Variants in ARID5B observed in about 807,000 individuals in gnomAD.
ARID5B encodes AT-rich interactive domain-containing protein 5B.
In ARID5B, 13 loss-of-function variants were observed where a neutral mutation model predicts 97.2. The observed-to-expected ratio is 0.13, with a 90% CI of 0.09 to 0.21. ARID5B has a LOEUF of 0.21. Ranked by LOEUF, ARID5B falls within the 10% of genes least tolerant of loss-of-function variation. The probability of loss-of-function intolerance (pLI) is 1.00; values close to 1 mark genes in which losing one functional copy is unlikely to be tolerated. For missense variants in ARID5B, 1,210 were observed against 1,465.3 expected, an observed-to-expected ratio of 0.83 and a Z score of 2.84; for synonymous variants, 556 against 570.3, an observed-to-expected ratio of 0.97 and a Z score of 0.36.
rs1467387088 is a variant in ARID5B, at chr10:62,092,659, T to A, written c.3196T>A (p.Ser1066Thr). 2.5e-6 allele frequency: 4 copies of A among 1,613,854 alleles called. No individual in the cohort carries two copies. The highest frequency in any genetic ancestry group is 3.4e-6 in the Non-Finnish European group (4 of 1,179,940). Residue 1066 changes from serine (S) to threonine (T), a missense_variant, in exon 10 of 10, where the codon TCA becomes ACA. Physicochemically the swap from Ser to Thr is moderately conservative, Grantham distance 58. Coordinates refer to ENST00000279873, the MANE Select transcript of ARID5B (RefSeq NM_032199.3). ...AAHGGHSGGG[S>T]EGHKLPLSSP... ...GCACGGTGGGCATTCCGGGGGCGGATCAGAAGGCCACAAGCTTCCCCTCTC... is the reference window on the plus strand; with the variant it reads ...GCACGGTGGGCATTCCGGGGGCGGAACAGAAGGCCACAAGCTTCCCCTCTC...
At chr10:61,980,093 C>CAA (rs372578954) in intron 3 of ARID5B, among the ~76,000 whole-genome samples, 15 of 144,394 alleles carry the variant, frequency 1.0e-4, no homozygotes, top group African/African-American at 3.5e-4. Flanking sequence ...GACTCTGTCT[C>CAA]AAAAAAATAA....
chr10:62,026,676 C>G (rs1285863679), intron 4 of ARID5B, among the ~76,000 whole-genome samples: 2 of 152,186 alleles, frequency 1.3e-5, no homozygotes, highest in African/African-American at 4.8e-5. Context: ...TCCCTTCTGC[C>G]TTGTGGGATC....
intron 3 of ARID5B, among the ~76,000 whole-genome samples, chr10:61,971,054 A>G (rs536427564): frequency 6.6e-6 from 1 of 152,228 alleles, no homozygotes; most frequent in African/African-American, 2.4e-5. Flanking sequence ...AGAGTAAAAT[A>G]GAGACCCTGA....
At chr10:61,995,008 T>C (rs1838977112) in intron 3 of ARID5B, among the ~76,000 whole-genome samples, 1 of 152,186 alleles carries the variant, frequency 6.6e-6, no homozygotes, top group Non-Finnish European at 1.5e-5. Flanking sequence ...TAATTATGGT[T>C]TAAAATTTCA....
chr10:61,943,266 A>G (rs1216162020), intron 3 of ARID5B, among the ~76,000 whole-genome samples: 1 of 152,170 alleles, frequency 6.6e-6, no homozygotes, highest in East Asian at 1.9e-4. Context: ...CCTCTTCTAT[A>G]ACATCAAAAT....
intron 2 of ARID5B, among the ~76,000 whole-genome samples, chr10:61,924,825 A>G (rs1844074223): frequency 6.6e-6 from 1 of 152,142 alleles, no homozygotes; most frequent in African/African-American, 2.4e-5. Flanking sequence ...AACAGGGGCC[A>G]AGGGTTTTCT....
At chr10:61,979,721 A>G (rs892664264) in intron 3 of ARID5B, among the ~76,000 whole-genome samples, 3 of 152,226 alleles carry the variant, frequency 2.0e-5, no homozygotes, top group Non-Finnish European at 4.4e-5. Context: ...TAGGGCCCAT[A>G]GTACTTTTAA....
At chr10:62,036,383 T>G (rs983652294) in intron 4 of ARID5B, among the ~76,000 whole-genome samples, 1 of 78,956 alleles carries the variant, frequency 1.3e-5, no homozygotes, top group East Asian at 4.0e-4. Context: ...GCTCCTTTGT[T>G]TTTTCAGCCC....
chr10:62,021,991 T>G (rs1248340834), intron 4 of ARID5B, among the ~76,000 whole-genome samples: 1 of 152,270 alleles, frequency 6.6e-6, no homozygotes, highest in African/African-American at 2.4e-5. Flanking sequence ...GAATATCACA[T>G]AACTGTTTTT....
At chr10:62,032,855 A>G (rs973878036) in intron 4 of ARID5B, among the ~76,000 whole-genome samples, 17 of 152,172 alleles carry the variant, frequency 1.1e-4, no homozygotes, top group Non-Finnish European at 8.8e-5. Context: ...TTTTCTCCTA[A>G]GTGACCTACC....
intron 2 of ARID5B, among the ~76,000 whole-genome samples, chr10:61,932,148 C>T (rs1342855823): frequency 2.0e-5 from 3 of 152,028 alleles, no homozygotes; most frequent in Admixed American, 2.0e-4. Context: ...GGTTTCCTAG[C>T]GCGTATAAAA....
At chr10:62,053,234 G>A (rs1337902198) in intron 5 of ARID5B, among the ~76,000 whole-genome samples, 1 of 152,196 alleles carries the variant, frequency 6.6e-6, no homozygotes, top group Non-Finnish European at 1.5e-5. Flanking sequence ...AGACCCATGT[G>A]ACTGTTTCTT....
chr10:62,079,510 A>AT (rs1840181795), intron 8 of ARID5B, among the ~76,000 whole-genome samples: 1 of 152,180 alleles, frequency 6.6e-6, no homozygotes, highest in Non-Finnish European at 1.5e-5. Flanking sequence ...AATGACCTGA[A>AT]TGAGGTTTCT....
intron 4 of ARID5B, among the ~76,000 whole-genome samples, chr10:62,007,363 T>C (rs1318949604): frequency 6.6e-6 from 1 of 152,218 alleles, no homozygotes; most frequent in East Asian, 1.9e-4. Flanking sequence ...CATTCATTCA[T>C]TCATTTAACC....
chr10:62,087,923 GGT>G (rs1456401822), intron 9 of ARID5B, among the ~76,000 whole-genome samples: 1 of 150,804 alleles, frequency 6.6e-6, no homozygotes, highest in Non-Finnish European at 1.5e-5. Context: ...AGAGTGCAGT[GGT>G]GCAATCTCGG....
chr10:62,088,062 T>C (rs1476379340), intron 9 of ARID5B, among the ~76,000 whole-genome samples: 2 of 152,132 alleles, frequency 1.3e-5, no homozygotes, highest in Non-Finnish European at 2.9e-5. Context: ...AGACAGGGTT[T>C]CACCATGTTG....
chr10:61,912,761 C>T (rs1043725661), intron 2 of ARID5B, among the ~76,000 whole-genome samples: 3 of 150,298 alleles, frequency 2.0e-5, no homozygotes, highest in Admixed American at 2.0e-4. Flanking sequence ...TATATACATA[C>T]TTTTTTTTTA....
At chr10:61,923,628 CAGAG>C (rs899038678) in intron 2 of ARID5B, among the ~76,000 whole-genome samples, 3 of 152,234 alleles carry the variant, frequency 2.0e-5, no homozygotes, top group African/African-American at 7.2e-5. Flanking sequence ...CTGTATGACT[CAGAG>C]AGGCTTGTTC....
At chr10:62,050,591 C>T (rs978093256) in intron 4 of ARID5B, among the ~76,000 whole-genome samples, 2 of 152,166 alleles carry the variant, frequency 1.3e-5, no homozygotes, top group Non-Finnish European at 2.9e-5. Flanking sequence ...TGTCTAACAA[C>T]GTGGAAGGAC....
Sources: allele counts gnomAD v4.1 joint callset (sites outside exome capture counted in the v4.1 genomes callset), GRCh38; gene constraint gnomAD v4.1.1; transcripts MANE v1.5; gene names NCBI Gene and HGNC (gene_info 2026-07-23, HGNC 2026-07-21).